The following TBC1D19 variants were observed in gnomAD, a reference collection of about 807,000 sequenced individuals.
TBC1D19 encodes the protein TBC1 domain family member 19.
In TBC1D19, 60 loss-of-function variants were observed where a neutral mutation model predicts 89.0. The ratio of observed to expected loss-of-function variants is 0.67; its 90% CI spans 0.55 to 0.84. TBC1D19 has a LOEUF of 0.84. Among genes scored for constraint, TBC1D19 ranks in the 40% least tolerant of loss-of-function variants. TBC1D19 has a pLI of 0.00. For missense variants in TBC1D19, 500 were observed against 610.8 expected (o/e 0.82, Z 1.91); for synonymous variants, 189 against 199.7 (o/e 0.95, Z 0.45).
At chr4:26,763,813 AC>A in the TBC1D19 span, among the ~76,000 whole-genome samples, 1 of 152,248 alleles carries the variant, frequency 6.6e-6, no homozygotes, top group South Asian at 2.1e-4. Context: ...GGAAAAGACC[AC>A]AGAAAGTTGG....
the TBC1D19 span, among the ~76,000 whole-genome samples, chr4:26,856,720 T>C: frequency 6.6e-6 from 1 of 152,242 alleles, no homozygotes; most frequent in Non-Finnish European, 1.5e-5. Context: ...ACAATTCTAG[T>C]CCTCTTTTTG....
intron 20 of TBC1D19, 85 bp downstream of exon 20, chr4:26,753,975 A>G: frequency 6.9e-7 from 1 of 1,444,028 alleles, no homozygotes; most frequent in African/African-American, 1.4e-5. Flanking sequence ...TGCATAGGAC[A>G]CGCGTTACTT....
At chr4:26,781,883 T>C in the TBC1D19 span, among the ~76,000 whole-genome samples, 2 of 152,170 alleles carry the variant, frequency 1.3e-5, no homozygotes, top group Non-Finnish European at 2.9e-5. Context: ...AATTATTTTC[T>C]CTTAAGGCAG....
the TBC1D19 span, among the ~76,000 whole-genome samples, chr4:26,850,971 C>T: frequency 2.0e-5 from 3 of 152,266 alleles, no homozygotes; most frequent in Middle Eastern, 3.4e-3. Context: ...CATCCAATTG[C>T]TTAGGGGCCT....
chr4:26,659,476 A>G, intron 7 of TBC1D19, 121 bp from the exon 8 acceptor site: 1 of 530,242 alleles, frequency 1.9e-6, no homozygotes, highest in Non-Finnish European at 3.4e-6. Context: ...TAATTAAAGT[A>G]TGTGCATCAC....
At chr4:26,590,802 T>TG (rs1291811627) in intron 1 of TBC1D19, among the ~76,000 whole-genome samples, 79 of 114,316 alleles carry the variant, frequency 6.9e-4, no homozygotes, top group African/African-American at 2.3e-3. Context: ...GTCTGTTTTT[T>TG]TTTTTTTTTT....
upstream of TBC1D19, among the ~76,000 whole-genome samples, chr4:26,580,526 C>T (rs1179047897): frequency 6.6e-6 from 1 of 152,220 alleles, no homozygotes; most frequent in East Asian, 1.9e-4. Flanking sequence ...TATCCAGTGA[C>T]AGGTAATTGA....
At chr4:26,720,056 A>G (rs1716876700) in intron 14 of TBC1D19, 25 bp from the exon 15 acceptor site, 1 of 1,555,820 alleles carries the variant, frequency 6.4e-7, no homozygotes, top group Non-Finnish European at 8.7e-7. Context: ...ATCATATTGA[A>G]ATCCTCTATG....
At chr4:26,857,952 G>C in the TBC1D19 span, 1 of 152,290 alleles carries the variant, frequency 6.6e-6, no homozygotes, top group African/African-American at 2.4e-5. Flanking sequence ...AAAGTGCGAT[G>C]CGTTTATCCT....
chr4:26,703,487 A>C (rs555232966), intron 13 of TBC1D19, among the ~76,000 whole-genome samples: 1 of 152,328 alleles, frequency 6.6e-6, no homozygotes, highest in Non-Finnish European at 1.5e-5. Context: ...CTAGCAACAC[A>C]GTTGCTGTAT....
the TBC1D19 span, among the ~76,000 whole-genome samples, chr4:26,843,074 T>G: frequency 1.3e-5 from 2 of 152,174 alleles, no homozygotes; most frequent in Non-Finnish European, 2.9e-5. Context: ...GACTAGAAGT[T>G]ATTTCTGAGC....
chr4:26,734,220 T>C (rs979377806), intron 15 of TBC1D19, among the ~76,000 whole-genome samples: 1 of 152,202 alleles, frequency 6.6e-6, no homozygotes, highest in African/African-American at 2.4e-5. Context: ...ATGAGTTGCA[T>C]TGGGAATTAA....
chr4:26,626,545 C>T (rs1336994348), intron 4 of TBC1D19, among the ~76,000 whole-genome samples: 1 of 152,076 alleles, frequency 6.6e-6, no homozygotes, highest in African/African-American at 2.4e-5. Context: ...AGTGGTAGAG[C>T]TGAGATTTGA....
rs1194013270 is a variant in TBC1D19, at chr4:26,584,256, C to T, written c.63C>T (p.Gly21=). ...CCCAGATAGTCCAAAAGCTCAAGGG[C>T]TCCAATTTGTACTCTCAGCTGGAAC... ...IIAQIVQKLK[G]SNLYSQLERQ... is the part of the protein sequence containing the mutation. Residue 21 remains glycine, a synonymous_variant, in exon 1 of 21, where the codon GGC becomes GGT. Coordinates refer to ENST00000264866, the MANE Select transcript of TBC1D19 (RefSeq NM_018317.4). 4.3e-6 allele frequency: 7 copies of T among 1,612,706 alleles called. No homozygotes were observed. The highest frequency in any genetic ancestry group is 5.9e-6 in the Non-Finnish European group (7 of 1,179,672).
chr4:26,614,227 G>A (rs765070335), intron 2 of TBC1D19, among the ~76,000 whole-genome samples, 181 bp from the exon 3 acceptor site: 1 of 152,134 alleles, frequency 6.6e-6, no homozygotes, highest in African/African-American at 2.4e-5. Context: ...TGTTAGACAA[G>A]GGATATGGTA....
At chr4:26,858,484 G>C in the TBC1D19 span, 1 of 152,320 alleles carries the variant, frequency 6.6e-6, no homozygotes, top group Non-Finnish European at 1.5e-5. Flanking sequence ...AAGGAAACCT[G>C]GGGAGAAAGG....
chr4:26,827,546 G>C, the TBC1D19 span, among the ~76,000 whole-genome samples: 1 of 152,208 alleles, frequency 6.6e-6, no homozygotes, highest in Admixed American at 6.5e-5. Flanking sequence ...AGAGGTTGCA[G>C]TGAGCCAAGA....
the TBC1D19 span, among the ~76,000 whole-genome samples, chr4:26,764,999 C>A: frequency 1.3e-5 from 2 of 151,986 alleles, no homozygotes; most frequent in Admixed American, 6.6e-5. Flanking sequence ...AGTCAAAAAA[C>A]CAAGAATCCA....
chr4:26,682,320 C>A (rs1384556950), intron 11 of TBC1D19, among the ~76,000 whole-genome samples: 4 of 151,974 alleles, frequency 2.6e-5, no homozygotes, highest in Non-Finnish European at 5.9e-5. Context: ...CAATAAGGAC[C>A]AATTAAGGCT....
Sources: allele counts gnomAD v4.1 joint callset (sites outside exome capture counted in the v4.1 genomes callset), GRCh38; gene constraint gnomAD v4.1.1; transcripts MANE v1.5; gene names NCBI Gene and HGNC (gene_info 2026-07-23, HGNC 2026-07-21).